Variants in ATE1 observed in about 807,000 individuals in gnomAD.
ATE1 encodes arginyl-tRNA--protein transferase 1.
In ATE1, 36 loss-of-function variants were observed where a neutral mutation model predicts 70.5. That is an observed-to-expected ratio of 0.51 (90% CI 0.39 to 0.67). The LOEUF (loss-of-function observed/expected upper bound fraction) is 0.67, where lower values mean the gene tolerates loss of function less well. Ranked by LOEUF, ATE1 falls within the 30% of genes least tolerant of loss-of-function variation. ATE1 has a pLI of 0.00. For missense variants in ATE1, 593 were observed against 629.5 expected (o/e 0.94, Z 0.62); for synonymous variants, 232 against 219.3 (o/e 1.06, Z -0.51).
At chr10:121,847,347 C>T (rs1948867090) in intron 8 of ATE1, among the ~76,000 whole-genome samples, 1 of 152,054 alleles carries the variant, frequency 6.6e-6, no homozygotes, top group Non-Finnish European at 1.5e-5. Flanking sequence ...ACTCAGGAGG[C>T]TGATGCAGGA....
chr10:121,782,168 G>A (rs994866961), intron 11 of ATE1, among the ~76,000 whole-genome samples: 4 of 152,186 alleles, frequency 2.6e-5, no homozygotes, highest in South Asian at 2.1e-4. Flanking sequence ...GTCTGTCTGC[G>A]AGTCAGCTGT....
chr10:121,744,383 A>G (rs1026443133), intron 11 of ATE1, among the ~76,000 whole-genome samples: 2 of 152,060 alleles, frequency 1.3e-5, no homozygotes, highest in Non-Finnish European at 2.9e-5. Context: ...GGTGATAAAG[A>G]CCCTCCAGGA....
intron 10 of ATE1, among the ~76,000 whole-genome samples, chr10:121,807,223 G>A (rs1947131781): frequency 6.6e-6 from 1 of 152,162 alleles, no homozygotes; most frequent in Admixed American, 6.5e-5. Context: ...TCACAACAGA[G>A]TTATTTCCTG....
At chr10:121,755,663 AAAG>A (rs1192924684) in intron 11 of ATE1, among the ~76,000 whole-genome samples, 1 of 152,200 alleles carries the variant, frequency 6.6e-6, no homozygotes, top group Non-Finnish European at 1.5e-5. Flanking sequence ...AAGGAGGAGC[AAAG>A]TCATGTCTTA....
In ATE1 at chr10:121,841,205, C is replaced by A; in HGVS notation, c.1034G>T (p.Trp345Leu). 1 of 1,581,136 alleles carries A rather than the reference C, an allele frequency of 6.3e-7. No homozygotes were observed. Residue 345 changes from tryptophan to leucine, a missense_variant, in exon 9 of 12, where the codon TGG becomes TTG. Physicochemically the swap from Trp to Leu is moderately conservative, Grantham distance 61 (BLOSUM62 -2). Coordinates refer to ENST00000224652, the MANE Select transcript of ATE1 (RefSeq NM_001001976.3). ...CACAGCAATGATCTTTCCGTCAAGC[C>A]AGTACTGCTGGTGAAAGGAGCCATA... ...CGYGSFHQQY[W>L]LDGKIIAVGV...
At chr10:121,822,681 T>TC (rs1183512675) in intron 10 of ATE1, among the ~76,000 whole-genome samples, 1 of 152,176 alleles carries the variant, frequency 6.6e-6, no homozygotes, top group African/African-American at 2.4e-5. Context: ...TGCACAGTAC[T>TC]CATAACTTTC....
At position 121,877,738 on chromosome 10, in the gene ATE1, A is replaced by T. The variant is rs78026526; in HGVS notation, c.943-7700T>A. Among the ~76,000 whole-genome samples, 1,043 of 152,308 alleles carry T rather than the reference A, an allele frequency of 6.8e-3. 18 individuals carry two copies. The highest frequency in any genetic ancestry group is 0.024 in the African/African-American group (1,002 of 41,568). On this transcript the variant is annotated intron_variant, in intron 7 of 11. Transcript: ENST00000224652. The stretch of plus-strand genomic sequence containing the variant: ...TACTATCCACTCACCAGAAAGGCTA[A>T]AACTAAAGCATCAGAAAACACCATA...
At chr10:121,879,052 A>T (rs922593471) in intron 7 of ATE1, among the ~76,000 whole-genome samples, 1 of 152,248 alleles carries the variant, frequency 6.6e-6, no homozygotes, top group Non-Finnish European at 1.5e-5. Flanking sequence ...ATAAGTCTAC[A>T]ACAAAATACA....
chr10:121,834,555 G>C (rs1157067440), intron 10 of ATE1, among the ~76,000 whole-genome samples: 1 of 152,006 alleles, frequency 6.6e-6, no homozygotes, highest in Non-Finnish European at 1.5e-5. Flanking sequence ...CTATACACAG[G>C]CTGGCTTGAA....
intron 1 of ATE1, chr10:121,927,241 C>CA: frequency 1.0e-6 from 1 of 985,246 alleles, no homozygotes; most frequent in Non-Finnish European, 1.2e-6. Context: ...AAAGACACGG[C>CA]ATATAAGCAA....
At chr10:121,776,771 T>C (rs1014161612) in intron 11 of ATE1, among the ~76,000 whole-genome samples, 1 of 152,364 alleles carries the variant, frequency 6.6e-6, no homozygotes, top group Non-Finnish European at 1.5e-5. Flanking sequence ...TGAAAGTGAG[T>C]ATTATATGTC....
chr10:121,885,336 G>T (rs553532808), intron 7 of ATE1, among the ~76,000 whole-genome samples: 1 of 148,372 alleles, frequency 6.7e-6, no homozygotes, highest in Non-Finnish European at 1.5e-5. Context: ...TTGGGAGGCC[G>T]AGGCAGACAG....
chr10:121,852,016 A>G (rs1010411978), intron 8 of ATE1, among the ~76,000 whole-genome samples: 1 of 152,238 alleles, frequency 6.6e-6, no homozygotes, highest in Admixed American at 6.5e-5. Context: ...GATAAAGTAG[A>G]CCTGTCTCTT....
chr10:121,815,960 A>C (rs749510525), intron 10 of ATE1, among the ~76,000 whole-genome samples: 87 of 152,160 alleles, frequency 5.7e-4, no homozygotes, highest in Admixed American at 3.9e-4. Flanking sequence ...CAGTTACAAC[A>C]ACCAAAATGT....
At position 121,790,167 on chromosome 10, in the gene ATE1, A is replaced by G; in HGVS notation, c.1378+2T>C. 2 of 1,613,914 alleles carry G rather than the reference A, an allele frequency of 1.2e-6. No homozygotes were observed. Among genetic ancestry groups the G allele is most frequent in the Non-Finnish European group, 1.7e-6 (2 of 1,179,862 alleles). On this transcript the variant is annotated splice_donor_variant, in intron 11 of 11. Coordinates refer to ENST00000224652, the MANE Select transcript of ATE1 (RefSeq NM_001001976.3). LOFTEE classifies it high-confidence loss of function. Reference sequence around the variant, plus strand: ...TCCAGCTGAGCTCAGCTCCAAACATACCTGCTTCTGGGTCCTGGTTGAAAC... The same window carrying G: ...TCCAGCTGAGCTCAGCTCCAAACATGCCTGCTTCTGGGTCCTGGTTGAAAC...
rs1454346907 is a variant in ATE1, at chr10:121,778,984, A to G, written c.1378+11185T>C. Among the ~76,000 whole-genome samples the G allele has an allele frequency of 1.3e-4, 20 of 152,088 alleles. 2 individuals are homozygous for G. Among genetic ancestry groups the G allele is most frequent in the Admixed American group, 1.3e-3 (20 of 15,250 alleles). ...CTTCAATGACTTTCACTTTAATCCT[A>G]CATTAGCTTCCCAATACCATGGCCA... On this transcript the variant is annotated intron_variant, in intron 11 of 11. Coordinates refer to ENST00000224652, the MANE Select transcript of ATE1 (RefSeq NM_001001976.3).
chr10:121,900,178 A>C (rs1021464164), intron 6 of ATE1, among the ~76,000 whole-genome samples, 184 bp from the exon 7 acceptor site: 1 of 152,252 alleles, frequency 6.6e-6, no homozygotes, highest in African/African-American at 2.4e-5. Flanking sequence ...TGTAACTTAC[A>C]GACTCATTAA....
Position 121,857,901 on chromosome 10 carries a change from A to C in ATE1, c.975+12105T>G, listed in dbSNP as rs140011711. On this transcript the variant is annotated intron_variant, in intron 8 of 11. Coordinates refer to ENST00000224652, the MANE Select transcript of ATE1 (RefSeq NM_001001976.3). ...ATCACTTCACTTTCTAGCTGTAGCCACTTGACTACTGTATGTACCTCATGT... is the reference window on the plus strand; with the variant it reads ...ATCACTTCACTTTCTAGCTGTAGCCCCTTGACTACTGTATGTACCTCATGT... 5.3e-5 allele frequency among the ~76,000 whole-genome samples: 8 copies of C among 152,336 alleles called. No individual in the cohort carries two copies. In the East Asian group the frequency reaches 1.5e-3, roughly 29 times the overall value.
chr10:121,902,723 G>T, intron 5 of ATE1, 103 bp from the exon 6 acceptor site: 1 of 1,160,988 alleles, frequency 8.6e-7, no homozygotes, highest in Non-Finnish European at 1.2e-6. Context: ...AGTTTCAATG[G>T]TTAGGCTAGC....
Sources: gnomAD v4.1 joint callset for allele counts (sites outside exome capture counted in the v4.1 genomes callset) on GRCh38, gnomAD v4.1.1 for gene constraint, MANE v1.5 for transcripts, NCBI Gene and HGNC (gene_info 2026-07-23, HGNC 2026-07-21) for gene names.